Variants in SLAIN1 observed in about 807,000 individuals in gnomAD.
SLAIN1 encodes SLAIN family member 1, also known as SLAIN motif-containing protein 1.
A neutral mutation model predicts 55.4 loss-of-function variants in SLAIN1; 17 were observed. The ratio of observed to expected loss-of-function variants is 0.31; its 90% CI spans 0.21 to 0.46. SLAIN1 has a LOEUF of 0.46. Ranked by LOEUF, SLAIN1 falls within the 20% of genes least tolerant of loss-of-function variation. SLAIN1 has a pLI of 1.00. For missense variants in SLAIN1, 682 were observed against 785.1 expected (o/e 0.87, Z 1.57); for synonymous variants, 348 against 337.4 (o/e 1.03, Z -0.35).
intron 2 of SLAIN1, among the ~76,000 whole-genome samples, chr13:77,730,798 A>C (rs1471180750): frequency 6.6e-6 from 1 of 152,188 alleles, no homozygotes; most frequent in Non-Finnish European, 1.5e-5. Flanking sequence ...ATGCATGCTC[A>C]GTCTGGTCTT....
intron 1 of SLAIN1, among the ~76,000 whole-genome samples, chr13:77,712,024 A>G (rs191972505): frequency 6.6e-6 from 1 of 152,228 alleles, no homozygotes; most frequent in South Asian, 2.1e-4. Flanking sequence ...TCACCCTTTC[A>G]TGCTTAAAAA....
At chr13:77,745,040 G>A (rs190373158) in intron 3 of SLAIN1, among the ~76,000 whole-genome samples, 66 of 152,090 alleles carry the variant, frequency 4.3e-4, no homozygotes, top group African/African-American at 1.5e-3. Flanking sequence ...AAAATGTTAG[G>A]AACAGAGGAC....
chr13:77,735,138 CTTTCATCCTGTACCCATGAAAAGCCTG>C (rs1873057186), intron 2 of SLAIN1, among the ~76,000 whole-genome samples: 1 of 152,144 alleles, frequency 6.6e-6, no homozygotes, highest in African/African-American at 2.4e-5. Context: ...TTGCTGCAGG[CTTTCATCCTGTACCCATGAAAAGCCTG>C]TTTATTTCTT....
At chr13:77,707,662 G>A (rs539937920) in intron 1 of SLAIN1, among the ~76,000 whole-genome samples, 11 of 152,202 alleles carry the variant, frequency 7.2e-5, no homozygotes, top group African/African-American at 2.6e-4. Context: ...TCTTCTCTTG[G>A]ATTCATCTTT....
intron 2 of SLAIN1, among the ~76,000 whole-genome samples, chr13:77,727,357 A>C (rs546926243): frequency 2.0e-5 from 3 of 152,258 alleles, no homozygotes; most frequent in African/African-American, 4.8e-5. Context: ...GTGCTTAATA[A>C]ATTTTTCAGC....
chr13:77,707,128 CTTTTT>C lies in SLAIN1; in HGVS notation c.626+8593_626+8597del, dbSNP rs764047265. 2.7e-5 allele frequency among the ~76,000 whole-genome samples: 4 copies of C among 148,714 alleles called. No homozygotes were observed. In the South Asian group the frequency reaches 8.5e-4, roughly 32 times the overall value. On this transcript the variant is annotated intron_variant, in intron 1 of 6. Transcript: ENST00000418532. ...TCCAGTTTCTTTCTTTTCTTTCTTT[CTTTTT>C]TTTAAGAACTTGTAACAGACAGATG...
Position 77,698,772 on chromosome 13 carries a change from GC to G in SLAIN1, c.626+240del, listed in dbSNP as rs938286556. The G allele has an allele frequency of 1.3e-4, 156 of 1,198,176 alleles. No individual in the cohort carries two copies. The highest frequency in any genetic ancestry group is 8.9e-4 in the Middle Eastern group (3 of 3,372). 74.2% of individuals were successfully genotyped at this position (1,198,176 alleles called of 1,614,324 possible). A position where few individuals can be genotyped will look rare whatever the true frequency, so the allele number is the denominator to read the frequency against. On this transcript the variant is annotated intron_variant, in intron 1 of 6. Coordinates refer to ENST00000418532, the MANE Select transcript of SLAIN1 (RefSeq NM_001242868.2). This position sits in a 1 kb window ranked among gnomAD's most constrained non-coding sequence, Gnocchi z 4.1. Reference sequence around the variant, plus strand: ...AATCGCTCCGACTGCGGATGAACCGGCCCCCCCTTCCCCCCATCTGCCATGG... The same window carrying G: ...AATCGCTCCGACTGCGGATGAACCGGCCCCCCTTCCCCCCATCTGCCATGG...
At chr13:77,739,266 A>G (rs1289561937) in intron 2 of SLAIN1, among the ~76,000 whole-genome samples, 5 of 152,068 alleles carry the variant, frequency 3.3e-5, no homozygotes, top group African/African-American at 4.8e-5. Context: ...ATTATACTTA[A>G]GTTTAAAAAA....
intron 2 of SLAIN1, among the ~76,000 whole-genome samples, chr13:77,731,498 A>G (rs556752809): frequency 6.6e-6 from 1 of 152,272 alleles, no homozygotes; most frequent in African/African-American, 2.4e-5. Context: ...CGTACAAGGA[A>G]AAAAGATCAC....
At chr13:77,743,764 T>C (rs1873618771) in intron 2 of SLAIN1, among the ~76,000 whole-genome samples, 1 of 152,056 alleles carries the variant, frequency 6.6e-6, no homozygotes, top group Non-Finnish European at 1.5e-5. Flanking sequence ...TTTCTGCATA[T>C]GTATGTGTGC....
At chr13:77,727,534 C>A (rs28565090) in intron 2 of SLAIN1, among the ~76,000 whole-genome samples, 2 of 149,260 alleles carry the variant, frequency 1.3e-5, no homozygotes, top group African/African-American at 4.9e-5. Flanking sequence ...CCTCAAAAAA[C>A]CAAAACAGAG....
At chr13:77,735,574 T>C (rs149860348) in intron 2 of SLAIN1, among the ~76,000 whole-genome samples, 180 of 152,284 alleles carry the variant, frequency 1.2e-3, no homozygotes, top group African/African-American at 4.1e-3. Context: ...TTTTTAATGG[T>C]TGAAAAAAAC....
intron 6 of SLAIN1, among the ~76,000 whole-genome samples, chr13:77,761,657 A>G (rs1481405888): frequency 1.3e-5 from 2 of 152,254 alleles, no homozygotes; most frequent in Non-Finnish European, 2.9e-5. Flanking sequence ...TTATGGTTTG[A>G]AAAGCATCTT....
At chr13:77,740,610 A>T (rs1469613658) in intron 2 of SLAIN1, among the ~76,000 whole-genome samples, 1 of 146,876 alleles carries the variant, frequency 6.8e-6, no homozygotes, top group East Asian at 2.1e-4. Flanking sequence ...TGGATCACCC[A>T]TTTTTTCTCT....
intron 2 of SLAIN1, among the ~76,000 whole-genome samples, chr13:77,727,272 G>C (rs1594269777): frequency 1.3e-5 from 2 of 152,226 alleles, no homozygotes; most frequent in South Asian, 2.1e-4. Context: ...AGTTGTTAAT[G>C]TATGTGACTT....
Position 77,697,774 on chromosome 13 carries a change from C to T in SLAIN1, c.-140C>T. On this transcript the variant is annotated 5_prime_UTR_variant, in exon 1 of 7. Transcript: ENST00000418532. The stretch of plus-strand genomic sequence containing the variant: ...GGCGAGGGCCCGGTGCTGATGCGAA[C>T]CGCCGGCTCGGCCTCAGCCCGCGCG... The T allele has an allele frequency of 1.1e-6, 1 of 911,462 alleles. No homozygotes were observed. Among genetic ancestry groups the T allele is most frequent in the Non-Finnish European group, 1.4e-6 (1 of 720,094 alleles). The allele number at this position is 911,462 out of a possible 1,614,324, so 56.5% of individuals were successfully genotyped here.
intron 4 of SLAIN1, among the ~76,000 whole-genome samples, chr13:77,748,852 C>T (rs759137811): frequency 1.2e-4 from 18 of 152,134 alleles, no homozygotes; most frequent in Admixed American, 6.6e-5. Context: ...AAGATGATAT[C>T]TGTCTCTTAG....
Position 77,698,977 on chromosome 13 carries a change from A to T in SLAIN1, c.626+438A>T. The T allele has an allele frequency of 6.5e-7, 1 of 1,534,480 alleles. No homozygotes were observed. The highest frequency in any genetic ancestry group is 1.4e-5 in the African/African-American group (1 of 73,080). ...TGTTACTGTTCTTTCGTTTTAAACG[A>T]ACGCTGGACAGGATTTGCGTGCTCT... is the stretch of plus-strand genomic sequence containing the variant. On this transcript the variant is annotated intron_variant, in intron 1 of 6. Coordinates refer to ENST00000418532, the MANE Select transcript of SLAIN1 (RefSeq NM_001242868.2). The surrounding 1 kb of genome is among the most constrained non-coding windows in gnomAD (Gnocchi z 4.1).
At chr13:77,707,962 C>T (rs1412647277) in intron 1 of SLAIN1, among the ~76,000 whole-genome samples, 1 of 152,124 alleles carries the variant, frequency 6.6e-6, no homozygotes, top group Non-Finnish European at 1.5e-5. Context: ...TTCCAGTTGT[C>T]CCTTAGGTAG....
Sources: allele counts gnomAD v4.1 joint callset (sites outside exome capture counted in the v4.1 genomes callset), GRCh38; gene constraint gnomAD v4.1.1; non-coding constraint Gnocchi (gnomAD v3.1); transcripts MANE v1.5; gene names NCBI Gene and HGNC (gene_info 2026-07-23, HGNC 2026-07-21).